Variants in GABPA observed in about 807,000 individuals in gnomAD.
GABPA encodes the protein GA binding protein transcription factor subunit alpha.
Under a neutral mutation model 59.4 loss-of-function variants are expected in GABPA, and 4 were observed. The observed-to-expected ratio is 0.07, with a 90% CI of 0.03 to 0.15. GABPA has a LOEUF of 0.15. GABPA is among the 10% of genes least tolerant of loss of function. The pLI is 1.00. For missense variants in GABPA, 251 were observed against 543.8 expected (o/e 0.46, Z 5.36); for synonymous variants, 164 against 183.1 (o/e 0.90, Z 0.84).
chr21:25,753,827 AT>A (rs1339986706), intron 5 of GABPA, among the ~76,000 whole-genome samples: 5 of 151,952 alleles, frequency 3.3e-5, no homozygotes, highest in Admixed American at 6.6e-5. Flanking sequence ...TCCTTTTTTT[AT>A]TTTTTATTTT....
At chr21:25,747,466 G>T (rs1450841084) in intron 3 of GABPA, among the ~76,000 whole-genome samples, 1 of 152,204 alleles carries the variant, frequency 6.6e-6, no homozygotes. Flanking sequence ...TTCAGGGCTA[G>T]CTTTGGATCT....
At chr21:25,749,938 G>A (rs2035465805) in intron 4 of GABPA, among the ~76,000 whole-genome samples, 1 of 152,214 alleles carries the variant, frequency 6.6e-6, no homozygotes, top group Non-Finnish European at 1.5e-5. Context: ...GTGGATTGGG[G>A]CAGGGGAATT....
chr21:25,759,697 A>T (rs184848829), intron 6 of GABPA, among the ~76,000 whole-genome samples: 1 of 152,192 alleles, frequency 6.6e-6, no homozygotes, highest in African/African-American at 2.4e-5. Context: ...AGTAAGTTGA[A>T]TGTCCTGGTT....
Position 25,770,096 on chromosome 21 carries a change from C to T in GABPA, c.*864C>T, listed in dbSNP as rs191917080. ...TATGGCTTCCTTTTTTAAAAAATTA[C>T]CCTGTAGTGCCAGTTTATTATGCAA... On this transcript the variant is annotated 3_prime_UTR_variant, in exon 10 of 10. Coordinates refer to ENST00000400075, the MANE Select transcript of GABPA (RefSeq NM_002040.4). 56 of 152,606 alleles carry T rather than the reference C, an allele frequency of 3.7e-4. No individual in the cohort carries two copies. The East Asian group carries it at 0.011, about 29-fold the overall frequency. 9.5% of individuals were successfully genotyped at this position (152,606 alleles called of 1,614,324 possible).
intron 9 of GABPA, among the ~76,000 whole-genome samples, chr21:25,767,226 G>A (rs2035911741): frequency 6.6e-6 from 1 of 151,940 alleles, no homozygotes; most frequent in Admixed American, 6.6e-5. Flanking sequence ...CTAGATGCTG[G>A]CAGTGTTCTG....
At chr21:25,738,639 C>T (rs2035141079) in intron 1 of GABPA, among the ~76,000 whole-genome samples, 1 of 152,216 alleles carries the variant, frequency 6.6e-6, no homozygotes, top group East Asian at 1.9e-4. Context: ...TCCTTTAAGG[C>T]ATGTGTAGTT....
chr21:25,740,153 T>C (rs1368190880), intron 1 of GABPA, among the ~76,000 whole-genome samples: 1 of 152,226 alleles, frequency 6.6e-6, no homozygotes, highest in Non-Finnish European at 1.5e-5. Flanking sequence ...AACTGTGACA[T>C]GGAGCCACAA....
intron 5 of GABPA, among the ~76,000 whole-genome samples, chr21:25,757,302 T>A (rs1360762968): frequency 6.6e-6 from 1 of 152,156 alleles, no homozygotes; most frequent in Non-Finnish European, 1.5e-5. Flanking sequence ...TTGGCCATAT[T>A]TTTTTATTTA....
chr21:25,751,945 G>C (rs1370081701), intron 4 of GABPA, 44 bp from the exon 5 acceptor site: 1 of 1,595,806 alleles, frequency 6.3e-7, no homozygotes, highest in Non-Finnish European at 8.6e-7. Context: ...GGTGACTTCT[G>C]CGTTTTCATT....
chr21:25,754,523 G>C (rs191447564), intron 5 of GABPA, among the ~76,000 whole-genome samples: 40 of 152,000 alleles, frequency 2.6e-4, no homozygotes, highest in African/African-American at 8.7e-4. Flanking sequence ...ATTTACAAGG[G>C]CTCTTCATTT....
chr21:25,735,845 C>T (rs1418139615), intron 1 of GABPA, among the ~76,000 whole-genome samples: 1 of 152,088 alleles, frequency 6.6e-6, no homozygotes, highest in Non-Finnish European at 1.5e-5. Flanking sequence ...GGACCCGTGC[C>T]GGACGGGTCG....
chr21:25,744,961 T>C (rs552186514), intron 2 of GABPA, among the ~76,000 whole-genome samples: 2 of 152,346 alleles, frequency 1.3e-5, no homozygotes, highest in East Asian at 3.9e-4. Flanking sequence ...TACACACATA[T>C]GTATGTACAT....
intron 3 of GABPA, among the ~76,000 whole-genome samples, chr21:25,748,176 G>A (rs1489865336): frequency 6.6e-6 from 1 of 152,202 alleles, no homozygotes; most frequent in East Asian, 1.9e-4. Context: ...AAAGTGCTGG[G>A]ATTACAAGTG....
At chr21:25,757,578 G>C (rs899945439) in intron 5 of GABPA, among the ~76,000 whole-genome samples, 6 of 152,084 alleles carry the variant, frequency 3.9e-5, no homozygotes, top group Admixed American at 1.3e-4. Context: ...GGAGGAAAAA[G>C]GATATGGTTC....
intron 7 of GABPA, chr21:25,763,008 G>C: frequency 2.6e-6 from 1 of 383,634 alleles, no homozygotes; most frequent in Non-Finnish European, 5.0e-6. Flanking sequence ...CTCTCGCTTT[G>C]CCTTCAGCTT....
intron 4 of GABPA, among the ~76,000 whole-genome samples, chr21:25,750,194 T>C (rs1342917742): frequency 6.6e-6 from 1 of 151,986 alleles, no homozygotes; most frequent in African/African-American, 2.4e-5. Flanking sequence ...TGTGCTCCTA[T>C]GAGAATTTAA....
chr21:25,744,783 A>G (rs2035317900), intron 2 of GABPA, among the ~76,000 whole-genome samples: 1 of 152,068 alleles, frequency 6.6e-6, no homozygotes, highest in Admixed American at 6.6e-5. Flanking sequence ...CTATTTTTAT[A>G]TCTTTCTTTT....
At position 25,768,861 on chromosome 21, in the gene GABPA, A is replaced by C. The variant is rs2035953856; in HGVS notation, c.1137-143A>C. On this transcript the variant is annotated intron_variant, in intron 9 of 9. Coordinates refer to ENST00000400075, the MANE Select transcript of GABPA (RefSeq NM_002040.4). ...GATGTTTCATTTGATAGTAGCATTA[A>C]ATATTCTACATAGCTTCAATATTAA... 1.0e-5 allele frequency: 6 copies of C among 573,812 alleles called. No individual in the cohort carries two copies. In the East Asian group the frequency reaches 1.4e-4, roughly 13 times the overall value. The allele number at this position is 573,812 out of a possible 1,614,324, so 35.5% of individuals were successfully genotyped here.
At chr21:25,767,504 A>G (rs2035920724) in intron 9 of GABPA, among the ~76,000 whole-genome samples, 1 of 151,980 alleles carries the variant, frequency 6.6e-6, no homozygotes. Flanking sequence ...CAAAAGAAGT[A>G]TTCAGTAAAA....
Sources: allele counts gnomAD v4.1 joint callset (sites outside exome capture counted in the v4.1 genomes callset), GRCh38; gene constraint gnomAD v4.1.1; transcripts MANE v1.5; gene names NCBI Gene and HGNC (gene_info 2026-07-23, HGNC 2026-07-21).